Variants in PCDH19 observed in about 807,000 individuals in gnomAD.
The protein encoded by PCDH19 is protocadherin-19.
In PCDH19, 6 loss-of-function variants were observed where a neutral mutation model predicts 46.2. The observed-to-expected ratio is 0.13, with a 90% CI of 0.07 to 0.26. The LOEUF is 0.26. Among genes scored for constraint, PCDH19 ranks in the 10% least tolerant of loss-of-function variants. The probability of loss-of-function intolerance (pLI) is 1.00; values close to 1 mark genes in which losing one functional copy is unlikely to be tolerated. For missense variants in PCDH19, 740 were observed against 972.3 expected (o/e 0.76, Z 3.18); for synonymous variants, 481 against 415.7 (o/e 1.16, Z -1.91).
intron 3 of PCDH19, among the ~76,000 whole-genome samples, chrX:100,379,674 C>T (rs143159743): frequency 5.3e-5 from 6 of 112,271 alleles, no homozygotes; most frequent in African/African-American, 6.5e-5. Context: ...GAAGGAAAGA[C>T]GCCTTTCTTC....
At chrX:100,332,338 G>A (rs1007292802) in intron 5 of PCDH19, among the ~76,000 whole-genome samples, 2 of 110,916 alleles carry the variant, frequency 1.8e-5, no homozygotes, top group Admixed American at 9.5e-5. Flanking sequence ...CCTGGCCAAC[G>A]TGGTGAAACC....
At chrX:100,304,026 T>C (rs1280355437) in intron 5 of PCDH19, among the ~76,000 whole-genome samples, 3 of 112,245 alleles carry the variant, frequency 2.7e-5, no homozygotes, top group African/African-American at 9.7e-5. Flanking sequence ...AAAATGCCTG[T>C]TAAAATAAGA....
chrX:100,314,858 T>C (rs1043911971), intron 5 of PCDH19, among the ~76,000 whole-genome samples: 3 of 112,219 alleles, frequency 2.7e-5, no homozygotes, highest in Non-Finnish European at 5.6e-5. Flanking sequence ...ATGAATTGAT[T>C]CCCACTCCTC....
chrX:100,333,114 GA>G (rs1354540348), intron 5 of PCDH19, among the ~76,000 whole-genome samples: 2 of 15,734 alleles, frequency 1.3e-4, no homozygotes, highest in South Asian at 0.011. Context: ...AGGAGGGAGG[GA>G]AGGAAGGAAG....
chrX:100,324,299 T>G (rs376940499), intron 5 of PCDH19, among the ~76,000 whole-genome samples: 1 of 112,229 alleles, frequency 8.9e-6, no homozygotes, highest in African/African-American at 3.2e-5. Flanking sequence ...GACCTGCTAC[T>G]TGTTTGATTT....
intron 3 of PCDH19, among the ~76,000 whole-genome samples, chrX:100,373,179 T>C (rs1169496124): frequency 1.8e-5 from 2 of 112,467 alleles, no homozygotes; most frequent in Non-Finnish European, 3.8e-5. Flanking sequence ...CAGCTAATTT[T>C]TGTATTTTTA....
chrX:100,383,274 G>A (rs1927611472), intron 3 of PCDH19, among the ~76,000 whole-genome samples: 1 of 112,346 alleles, frequency 8.9e-6, no homozygotes, highest in South Asian at 3.8e-4. Flanking sequence ...CTGAGGCACA[G>A]AGAGGAAGTA....
intron 5 of PCDH19, among the ~76,000 whole-genome samples, chrX:100,320,680 CCTAT>C (rs1200650659): frequency 5.4e-5 from 6 of 110,680 alleles, no homozygotes; most frequent in Non-Finnish European, 1.1e-4. Flanking sequence ...TTGAAAACAT[CCTAT>C]CTAAAACAGC....
intron 4 of PCDH19, among the ~76,000 whole-genome samples, chrX:100,348,524 G>A (rs1256103817): frequency 9.0e-6 from 1 of 111,511 alleles, no homozygotes; most frequent in Non-Finnish European, 1.9e-5. Flanking sequence ...AAATGCATGT[G>A]TCCCTGAGTT....
At chrX:100,405,499 TA>T (rs1458798153) in intron 1 of PCDH19, among the ~76,000 whole-genome samples, 1 of 111,025 alleles carries the variant, frequency 9.0e-6, no homozygotes, top group African/African-American at 3.3e-5. Flanking sequence ...GAAATCTTTT[TA>T]AAAAATACTG....
intron 5 of PCDH19, among the ~76,000 whole-genome samples, chrX:100,299,286 A>T (rs992283445): frequency 8.9e-6 from 1 of 112,118 alleles, no homozygotes; most frequent in Admixed American, 9.4e-5. Flanking sequence ...ACTTGCTCAC[A>T]CTTCTAGAGC....
At chrX:100,296,963 C>T in intron 5 of PCDH19, 88 bp from the exon 6 acceptor site, 1 of 886,032 alleles carries the variant, frequency 1.1e-6, no homozygotes. Context: ...TAGATATCCA[C>T]AGGCCCTTGT....
At chrX:100,391,190 A>G (rs1927851642) in intron 3 of PCDH19, among the ~76,000 whole-genome samples, 1 of 111,514 alleles carries the variant, frequency 9.0e-6, no homozygotes, top group Non-Finnish European at 1.9e-5. Context: ...GGTGACTTCC[A>G]GCTCTATAAA....
Position 100,409,278 on chromosome X carries a change from G to A in PCDH19, c.-681C>T, listed in dbSNP as rs1467380032. On this transcript the variant is annotated 5_prime_UTR_variant, in exon 1 of 6. Transcript: ENST00000373034. ...TTACTGGCAAGCGCCGCGGGCACCC[G>A]GTTATAGGGTTGAGTCGGATGGCGG... 1 of 112,185 alleles carries A rather than the reference G, an allele frequency of 8.9e-6. No homozygotes were observed. Among genetic ancestry groups the A allele is most frequent in the African/African-American group, 3.2e-5 (1 of 30,801 alleles). The allele number at this position is 112,185 out of a possible 1,213,427, so 9.2% of individuals were successfully genotyped here.
chrX:100,345,268 G>A (rs767524719), intron 4 of PCDH19, among the ~76,000 whole-genome samples: 1 of 111,189 alleles, frequency 9.0e-6, no homozygotes, highest in Admixed American at 9.5e-5. Context: ...AGTTTTTATA[G>A]GATTGGTACA....
chrX:100,363,742 A>G (rs1312851233), intron 3 of PCDH19, among the ~76,000 whole-genome samples: 3 of 99,878 alleles, frequency 3.0e-5, no homozygotes, highest in Non-Finnish European at 4.0e-5. Flanking sequence ...ATATATATAA[A>G]TAATATATAT....
chrX:100,383,976 G>T (rs745549809), intron 3 of PCDH19, among the ~76,000 whole-genome samples: 2 of 111,538 alleles, frequency 1.8e-5, no homozygotes, highest in African/African-American at 3.3e-5. Flanking sequence ...TGAAGAAGAA[G>T]AAATAAACAA....
intron 3 of PCDH19, among the ~76,000 whole-genome samples, chrX:100,355,940 G>A (rs113353864): frequency 6.3e-5 from 7 of 110,589 alleles, no homozygotes; most frequent in African/African-American, 2.3e-4. Context: ...GTCTCTAGAA[G>A]AGTGACTGCA....
chrX:100,296,118 G>C lies in PCDH19; in HGVS notation c.*159C>G, dbSNP rs1924591771. 4.0e-6 allele frequency: 2 copies of C among 501,485 alleles called. No individual in the cohort carries two copies. The highest frequency in any genetic ancestry group is 7.0e-5 in the East Asian group (2 of 28,714). 41.3% of individuals were successfully genotyped at this position (501,485 alleles called of 1,213,427 possible). ...CACCCCTGCTGCCTGTTGAAACAAGGGACTGTCACAGAATGATAATCACCT... is the reference window on the plus strand; with the variant it reads ...CACCCCTGCTGCCTGTTGAAACAAGCGACTGTCACAGAATGATAATCACCT... On this transcript the variant is annotated 3_prime_UTR_variant, in exon 6 of 6. Transcript: ENST00000373034.
Sources: gnomAD v4.1 joint callset for allele counts (sites outside exome capture counted in the v4.1 genomes callset) on GRCh38, gnomAD v4.1.1 for gene constraint, MANE v1.5 for transcripts, NCBI Gene and HGNC (gene_info 2026-07-23, HGNC 2026-07-21) for gene names.